The following ICOS variants were observed in gnomAD, a reference collection of about 807,000 sequenced individuals.
ICOS encodes inducible T cell costimulator.
In ICOS, 15 loss-of-function variants were observed where a neutral mutation model predicts 24.6. The observed-to-expected ratio is 0.61, with a 90% confidence interval of 0.41 to 0.94. ICOS has a LOEUF of 0.94. Ranked by LOEUF, ICOS falls within the 40% of genes least tolerant of loss-of-function variation. The pLI is 0.00. For missense variants in ICOS, 200 were observed against 233.0 expected, an observed-to-expected ratio of 0.86 and a Z score of 0.92; for synonymous variants, 89 against 77.5, an observed-to-expected ratio of 1.15 and a Z score of -0.78.
chr2:203,955,711 C>T lies in ICOS; in HGVS notation c.134C>T (p.Pro45Leu). 6.2e-7 allele frequency: 1 copy of T among 1,613,610 alleles called. No homozygotes were observed. The highest frequency in any genetic ancestry group is 8.5e-7 in the Non-Finnish European group (1 of 1,179,668). Residue 45 changes from proline (P) to leucine (L), a missense_variant, in exon 2 of 5, where the codon CCT (proline) becomes CTT (leucine). Physicochemically the swap from Pro to Leu is moderately conservative, Grantham distance 98. Transcript: ENST00000316386. Reference protein sequence around the residue: ...NGGVQILCKYPDIVQQFKMQL... With the variant: ...NGGVQILCKYLDIVQQFKMQL... Reference sequence around the variant, plus strand: ...GGTGTACAAATTTTATGCAAATATCCTGACATTGTCCAGCAATTTAAAATG... The same window carrying T: ...GGTGTACAAATTTTATGCAAATATCTTGACATTGTCCAGCAATTTAAAATG...
intron 1 of ICOS, among the ~76,000 whole-genome samples, chr2:203,950,579 T>A (rs1689951326): frequency 6.6e-6 from 1 of 152,222 alleles, no homozygotes; most frequent in African/African-American, 2.4e-5. Flanking sequence ...AAAATAGTTA[T>A]GAAATAATTA....
intron 1 of ICOS, among the ~76,000 whole-genome samples, chr2:203,954,401 C>T (rs754090610): frequency 3.3e-5 from 5 of 151,970 alleles, no homozygotes; most frequent in Non-Finnish European, 5.9e-5. Context: ...GCCTGGGCAA[C>T]ATAGCAAGAC....
At chr2:203,944,112 T>C (rs1156298990) in intron 1 of ICOS, among the ~76,000 whole-genome samples, 10 of 152,232 alleles carry the variant, frequency 6.6e-5, no homozygotes, top group Non-Finnish European at 1.0e-4. Flanking sequence ...CCCCTGCATG[T>C]GAAATCTGCA....
chr2:203,937,950 A>T (rs548868509), intron 1 of ICOS, among the ~76,000 whole-genome samples: 5 of 152,332 alleles, frequency 3.3e-5, no homozygotes, highest in South Asian at 2.1e-4. Context: ...GGCATGAATG[A>T]CATGAGCAGC....
intron 1 of ICOS, among the ~76,000 whole-genome samples, chr2:203,946,872 C>T (rs549369340): frequency 6.6e-6 from 1 of 152,294 alleles, no homozygotes; most frequent in Admixed American, 6.5e-5. Context: ...TTCCATCACT[C>T]TGAGACCTTT....
In ICOS at chr2:203,957,822, C is replaced by T. The variant is rs748208335; in HGVS notation, c.525C>T (p.Asp175=). The T allele has an allele frequency of 1.3e-5, 21 of 1,613,046 alleles. No homozygotes were observed. Among genetic ancestry groups the T allele is most frequent in the South Asian group, 2.2e-5 (2 of 91,058 alleles). The change falls in exon 4 of 5, where the codon GAC becomes GAT. Residue 175 remains aspartate, a synonymous_variant. Coordinates refer to ENST00000316386, the MANE Select transcript of ICOS (RefSeq NM_012092.4). ...AGAAGTATTCATCCAGTGTGCACGA[C>T]CCTAACGGTGAATACATGTTCATGA... The part of the protein sequence containing the change: ...TKKKYSSSVH[D]PNGEYMFMRA...
chr2:203,954,847 T>C (rs4675378), intron 1 of ICOS, among the ~76,000 whole-genome samples: 18,437 of 148,948 alleles, frequency 0.12, 1,275 homozygotes, highest in South Asian at 0.23. Flanking sequence ...AATATACATA[T>C]ACATATAATA....
At chr2:203,954,589 TGAAAA>T (rs370182633) in intron 1 of ICOS, among the ~76,000 whole-genome samples, 14 of 151,430 alleles carry the variant, frequency 9.2e-5, no homozygotes, top group African/African-American at 1.9e-4. Context: ...CCCTTTTCTC[TGAAAA>T]GAAAAGAAAA....
At chr2:203,953,635 T>C (rs1690023709) in intron 1 of ICOS, among the ~76,000 whole-genome samples, 1 of 152,204 alleles carries the variant, frequency 6.6e-6, no homozygotes, top group South Asian at 2.1e-4. Flanking sequence ...TGCATAATGC[T>C]AATCCTGTTA....
chr2:203,956,044 C>A, intron 2 of ICOS, 73 bp downstream of exon 2: 2 of 965,800 alleles, frequency 2.1e-6, no homozygotes, highest in Non-Finnish European at 3.2e-6. Flanking sequence ...CTAATAAAAT[C>A]AATTAGACAA....
intron 1 of ICOS, among the ~76,000 whole-genome samples, chr2:203,947,120 A>G (rs1268608384): frequency 1.3e-5 from 2 of 152,198 alleles, no homozygotes. Flanking sequence ...ACTCATCTGC[A>G]CTATAGTGCA....
chr2:203,951,017 A>G (rs1408436851), intron 1 of ICOS, among the ~76,000 whole-genome samples: 1 of 151,656 alleles, frequency 6.6e-6, no homozygotes, highest in Non-Finnish European at 1.5e-5. Flanking sequence ...CTGAGATTGC[A>G]CCACTGCACT....
intron 1 of ICOS, 61 bp downstream of exon 1, chr2:203,936,933 C>T (rs1268137528): frequency 2.0e-5 from 26 of 1,328,438 alleles, no homozygotes; most frequent in Non-Finnish European, 2.8e-5. Flanking sequence ...TAAGAAAAAG[C>T]AAAGGTAGAA....
intron 2 of ICOS, 143 bp downstream of exon 2, chr2:203,956,114 A>G: frequency 1.6e-6 from 1 of 630,950 alleles, no homozygotes; most frequent in Non-Finnish European, 2.8e-6. Flanking sequence ...ATTTATAATG[A>G]AGATATACAG....
chr2:203,957,918 G>A (rs371397052), intron 4 of ICOS, 35 bp downstream of exon 4: 7 of 1,342,578 alleles, frequency 5.2e-6, no homozygotes, highest in African/African-American at 1.4e-5. Flanking sequence ...GAAGGGAAGA[G>A]GTTTCTTCAC....
rs1246961201 is a variant in ICOS, at chr2:203,960,542, T to C, written c.*943T>C. On this transcript the variant is annotated 3_prime_UTR_variant, in exon 5 of 5. Transcript: ENST00000316386. ...TCTACCATTATCTATGTTTTCATGG[T>C]GCTATTAATTACAAGTTTAGTTCTT... is the stretch of plus-strand genomic sequence containing the variant. The C allele has an allele frequency of 2.6e-5, 4 of 152,230 alleles. No homozygotes were observed. The highest frequency in any genetic ancestry group is 9.6e-5 in the African/African-American group (4 of 41,454). 9.4% of individuals were successfully genotyped at this position (152,230 alleles called of 1,614,324 possible).
At chr2:203,959,449 T>TGTGCGA (rs1690132100) in intron 4 of ICOS, 137 bp from the exon 5 acceptor site, 1 of 728,516 alleles carries the variant, frequency 1.4e-6, no homozygotes, top group Non-Finnish European at 2.5e-6. Context: ...GCATGGTGTG[T>TGTGCGA]GTGTGAGTGT....
In ICOS at chr2:203,959,573, A is replaced by T; in HGVS notation, c.587-13A>T. ...AGAGCATTTAGATAATTTATGCTGA[A>T]TTTTTGTTACAGATGTGACCCTATA... On this transcript the variant is annotated splice_polypyrimidine_tract_variant and intron_variant, in intron 4 of 4. Coordinates refer to ENST00000316386, the MANE Select transcript of ICOS (RefSeq NM_012092.4). 6.2e-7 allele frequency: 1 copy of T among 1,612,314 alleles called. No homozygotes were observed. Among genetic ancestry groups the T allele is most frequent in the Non-Finnish European group, 8.5e-7 (1 of 1,178,574 alleles).
chr2:203,959,989 C>T lies in ICOS; in HGVS notation c.*390C>T, dbSNP rs1403034104. 2.9e-6 allele frequency: 1 copy of T among 347,500 alleles called. No homozygotes were observed. Among genetic ancestry groups the T allele is most frequent in the East Asian group, 6.9e-5 (1 of 14,512 alleles). 21.5% of individuals were successfully genotyped at this position (347,500 alleles called of 1,614,324 possible). A position where few individuals can be genotyped will look rare whatever the true frequency, so the allele number is the denominator to read the frequency against. ...TGCAAAGCAAATGAGCAGCCAAGGA[C>T]CAGCATCTGTCCGCATTTCACTATC... is the stretch of plus-strand genomic sequence containing the variant. On this transcript the variant is annotated 3_prime_UTR_variant, in exon 5 of 5. Coordinates refer to ENST00000316386, the MANE Select transcript of ICOS (RefSeq NM_012092.4).
Sources: allele counts gnomAD v4.1 joint callset (sites outside exome capture counted in the v4.1 genomes callset), GRCh38; gene constraint gnomAD v4.1.1; transcripts MANE v1.5; gene names NCBI Gene and HGNC (gene_info 2026-07-23, HGNC 2026-07-21).